Variants in EPB41L2 observed in about 807,000 individuals in gnomAD.
The protein encoded by EPB41L2 is band 4.1-like protein 2.
In EPB41L2, 43 loss-of-function variants were observed where a neutral mutation model predicts 113.0. The ratio of observed to expected loss-of-function variants is 0.38; its 90% CI spans 0.30 to 0.49. The LOEUF is 0.49. EPB41L2 is among the 20% of genes least tolerant of loss of function. The pLI, the probability that EPB41L2 is intolerant of heterozygous loss-of-function variation, is 0.95. For missense variants in EPB41L2, 1,147 were observed against 1,223.4 expected (o/e 0.94, Z 0.93); for synonymous variants, 442 against 436.7 (o/e 1.01, Z -0.15).
At chr6:130,894,815 T>C (rs1794105318) in intron 9 of EPB41L2, 152 bp downstream of exon 9, 2 of 873,052 alleles carry the variant, frequency 2.3e-6, no homozygotes, top group Non-Finnish European at 3.3e-6. Context: ...GTATATATAC[T>C]GCAATTTTAC....
chr6:130,951,277 GGAGGGGAGGAGAAAAAA>G, intron 3 of EPB41L2, among the ~76,000 whole-genome samples: 1 of 137,756 alleles, frequency 7.3e-6, no homozygotes. Flanking sequence ...GGGGAGGGGG[GGAGGGGAGGAGAAAAAA>G]GATGCTCAGC....
chr6:130,854,857 A>G (rs17831009), intron 19 of EPB41L2, among the ~76,000 whole-genome samples: 27,698 of 152,112 alleles, frequency 0.18, 2,537 homozygotes, highest in South Asian at 0.29. Context: ...CTAAGTAAGA[A>G]TGCTTTTAGC....
chr6:131,044,008 T>C (rs1268979994), intron 1 of EPB41L2, among the ~76,000 whole-genome samples: 1 of 149,068 alleles, frequency 6.7e-6, no homozygotes, highest in Admixed American at 6.8e-5. Context: ...TTTAAAACTT[T>C]CTAAATAATG....
intron 3 of EPB41L2, among the ~76,000 whole-genome samples, chr6:130,934,216 T>C (rs9492759): frequency 0.13 from 19,017 of 152,066 alleles, 1,523 homozygotes; most frequent in African/African-American, 0.21. Context: ...TGTCAACACA[T>C]CTCTTTCCCA....
intron 1 of EPB41L2, among the ~76,000 whole-genome samples, chr6:130,974,081 C>T (rs747197712): frequency 5.3e-5 from 8 of 152,158 alleles, no homozygotes; most frequent in Non-Finnish European, 8.8e-5. Context: ...TGAATTGCAT[C>T]ACCCTAAAAT....
chr6:130,961,203 T>C (rs1385308572), intron 1 of EPB41L2, among the ~76,000 whole-genome samples: 1 of 152,208 alleles, frequency 6.6e-6, no homozygotes, highest in Non-Finnish European at 1.5e-5. Context: ...GTAATGATCT[T>C]TCTACTTATC....
At chr6:130,874,598 G>A (rs548504547) in intron 14 of EPB41L2, among the ~76,000 whole-genome samples, 8 of 152,190 alleles carry the variant, frequency 5.3e-5, no homozygotes, top group Non-Finnish European at 1.2e-4. Context: ...TTGGGCAAAC[G>A]GATGAATGGA....
At chr6:130,856,625 T>C (rs564193288) in intron 19 of EPB41L2, among the ~76,000 whole-genome samples, 1 of 152,340 alleles carries the variant, frequency 6.6e-6, no homozygotes, top group East Asian at 1.9e-4. Context: ...CAGGTGGCTG[T>C]GCCACGCAAG....
At chr6:130,889,591 G>T (rs73775336) in intron 11 of EPB41L2, among the ~76,000 whole-genome samples, 10,840 of 152,172 alleles carry the variant, frequency 0.071, 603 homozygotes, top group African/African-American at 0.14. Context: ...GGAAAGTTTG[G>T]TAAGTTGTTT....
intron 1 of EPB41L2, among the ~76,000 whole-genome samples, chr6:131,034,812 A>G (rs896149568): frequency 6.6e-6 from 1 of 152,242 alleles, no homozygotes; most frequent in Non-Finnish European, 1.5e-5. Context: ...TCCTGTGATC[A>G]CTAAAGAATT....
At chr6:131,025,203 TC>T (rs1032734551) in intron 1 of EPB41L2, among the ~76,000 whole-genome samples, 1 of 152,022 alleles carries the variant, frequency 6.6e-6, no homozygotes, top group African/African-American at 2.4e-5. Flanking sequence ...AAGGCCTGTT[TC>T]CCCCCCGGTA....
chr6:131,048,668 G>T (rs573423616), intron 1 of EPB41L2, among the ~76,000 whole-genome samples: 1 of 152,146 alleles, frequency 6.6e-6, no homozygotes, highest in Non-Finnish European at 1.5e-5. Flanking sequence ...AAACAAGACT[G>T]GTCATGTGAC....
chr6:130,949,785 CCCTCCTCTTCCT>C (rs1417084534), intron 3 of EPB41L2, among the ~76,000 whole-genome samples: 3 of 151,994 alleles, frequency 2.0e-5, no homozygotes, highest in Non-Finnish European at 4.4e-5. Flanking sequence ...CAAGACCAGT[CCCTCCTCTTCCT>C]CCTCCTCTTC....
intron 4 of EPB41L2, among the ~76,000 whole-genome samples, chr6:130,912,604 C>G (rs1393171798): frequency 6.6e-6 from 1 of 152,208 alleles, no homozygotes; most frequent in Non-Finnish European, 1.5e-5. Context: ...GGCAGCAGGC[C>G]TCTCTAAGGG....
intron 1 of EPB41L2, among the ~76,000 whole-genome samples, chr6:130,977,644 A>AT (rs1348380429): frequency 6.6e-6 from 1 of 152,084 alleles, no homozygotes; most frequent in Non-Finnish European, 1.5e-5. Flanking sequence ...CTCCCCCAAA[A>AT]TTCTAAGTCT....
chr6:131,013,629 CT>C (rs1787546004), intron 1 of EPB41L2: 1 of 152,174 alleles, frequency 6.6e-6, no homozygotes, highest in Non-Finnish European at 1.5e-5. Context: ...CCACAAGCTA[CT>C]ACAGATTGTT....
At chr6:130,934,796 CTTTT>C (rs34793686) in intron 3 of EPB41L2, among the ~76,000 whole-genome samples, 1 of 129,294 alleles carries the variant, frequency 7.7e-6, no homozygotes. Flanking sequence ...TTTTTGTTTT[CTTTT>C]TTTTTTTTTT....
At chr6:130,841,169 T>C (rs1167792024) in intron 19 of EPB41L2, among the ~76,000 whole-genome samples, 3 of 149,632 alleles carry the variant, frequency 2.0e-5, no homozygotes, top group Admixed American at 2.0e-4. Flanking sequence ...AGGTACAAAA[T>C]ATTAGGTCTA....
At chr6:130,884,713 T>C (rs1292877183) in intron 12 of EPB41L2, among the ~76,000 whole-genome samples, 1 of 152,246 alleles carries the variant, frequency 6.6e-6, no homozygotes, top group Non-Finnish European at 1.5e-5. Flanking sequence ...AAAGATTATC[T>C]TTGGTGATGT....
Sources: allele counts gnomAD v4.1 joint callset (sites outside exome capture counted in the v4.1 genomes callset), GRCh38; gene constraint gnomAD v4.1.1; transcripts MANE v1.5; gene names NCBI Gene and HGNC (gene_info 2026-07-23, HGNC 2026-07-21).